LRRC4C: variants seen among roughly 807,000 people sequenced by gnomAD.
LRRC4C encodes the protein leucine-rich repeat-containing protein 4C.
A neutral mutation model predicts 33.6 loss-of-function variants in LRRC4C; 5 were observed. The ratio of observed to expected loss-of-function variants is 0.15; its 90% CI spans 0.08 to 0.31. The LOEUF (loss-of-function observed/expected upper bound fraction) is 0.31. LRRC4C is among the 10% of genes least tolerant of loss of function. LRRC4C has a pLI of 1.00. For synonymous variants in LRRC4C, 329 were observed against 302.0 expected (o/e 1.09, Z -0.93); for missense variants, 560 against 796.7 (o/e 0.70, Z 3.58).
chr11:41,442,938 CATGT>C (rs1955685983), intron 1 of LRRC4C, among the ~76,000 whole-genome samples: 1 of 151,974 alleles, frequency 6.6e-6, no homozygotes, highest in Admixed American at 6.5e-5. Context: ...GCTTTTGAGG[CATGT>C]ATGATTCTCA....
At chr11:40,781,885 G>C (rs1033283859) in intron 2 of LRRC4C, among the ~76,000 whole-genome samples, 2 of 152,164 alleles carry the variant, frequency 1.3e-5, no homozygotes, top group Non-Finnish European at 2.9e-5. Context: ...AATCAGGAAA[G>C]TGAAATGCCA....
At position 41,406,748 on chromosome 11, in the gene LRRC4C, A is replaced by ACACACACACG. The variant is rs936627444; in HGVS notation, c.-496+52682_-496+52683insCGTGTGTGTG. On this transcript the variant is annotated intron_variant, in intron 1 of 6. Coordinates refer to ENST00000528697, the MANE Select transcript of LRRC4C (RefSeq NM_001258419.2). ...CACACACACACACACACACACACAC[A>ACACACACACG]CACGCACCCTTAATAAAAGAAAGTA... Among the ~76,000 whole-genome samples, 693 of 145,474 alleles carry ACACACACACG rather than the reference A, an allele frequency of 4.8e-3. 9 individuals are homozygous for ACACACACACG. The highest frequency in any genetic ancestry group is 0.017 in the African/African-American group (652 of 38,124).
chr11:41,452,591 C>G (rs776013403), intron 1 of LRRC4C, among the ~76,000 whole-genome samples: 1 of 152,016 alleles, frequency 6.6e-6, no homozygotes, highest in Non-Finnish European at 1.5e-5. Context: ...AGTTTAATGG[C>G]TCACATTTTA....
rs560729067 is a variant in LRRC4C at position 41,159,940 on chromosome 11, G to A, written c.-495-226217C>T. On this transcript the variant is annotated intron_variant, in intron 1 of 6. Coordinates refer to ENST00000528697, the MANE Select transcript of LRRC4C (RefSeq NM_001258419.2). The stretch of plus-strand genomic sequence containing the variant: ...AAAAAGAATGATGTGCTTTGATGGG[G>A]GATAAATTCTAGTCAGGCATTAACA... 6.6e-5 allele frequency among the ~76,000 whole-genome samples: 10 copies of A among 151,870 alleles called. No individual in the cohort carries two copies. In the South Asian group the frequency reaches 2.1e-3, roughly 32 times the overall value.
rs570642674 is a variant in LRRC4C, at chr11:41,252,796, A to G, written c.-496+206635T>C. Among the ~76,000 whole-genome samples, 107 of 152,286 alleles carry G rather than the reference A, an allele frequency of 7.0e-4. 1 individual carries two copies. The highest frequency in any genetic ancestry group is 2.5e-3 in the African/African-American group (105 of 41,576). On this transcript the variant is annotated intron_variant, in intron 1 of 6. Transcript: ENST00000528697. ...GAAGGTGAACGAGGAGCAAAGTCAC[A>G]TCTTACATGGCAGCAGGCAAGAGAG... is the stretch of plus-strand genomic sequence containing the variant.
At chr11:40,501,102 T>C (rs1156833025) in intron 3 of LRRC4C, among the ~76,000 whole-genome samples, 2 of 150,276 alleles carry the variant, frequency 1.3e-5, no homozygotes, top group African/African-American at 4.9e-5. Context: ...TGATCTCCTT[T>C]GATTTCATGT....
rs541939307 is a variant in LRRC4C at position 41,192,670 on chromosome 11, G to A, written c.-495-258947C>T. 5.9e-5 allele frequency among the ~76,000 whole-genome samples: 9 copies of A among 152,080 alleles called. No homozygotes were observed. The South Asian group carries it at 8.3e-4, about 14-fold the overall frequency. On this transcript the variant is annotated intron_variant, in intron 1 of 6. Coordinates refer to ENST00000528697, the MANE Select transcript of LRRC4C (RefSeq NM_001258419.2). ...CTTGTCTTAAAAATGCAGCTTTTAC[G>A]TGAATGCAGAATTGCTATGAAAAAG...
chr11:40,914,974 A>G (rs555272044), intron 2 of LRRC4C, among the ~76,000 whole-genome samples: 1 of 152,310 alleles, frequency 6.6e-6, no homozygotes, highest in African/African-American at 2.4e-5. Context: ...AATACCTAGG[A>G]ATCCAACTTA....
chr11:40,999,727 G>A (rs569213970), intron 1 of LRRC4C, among the ~76,000 whole-genome samples: 1 of 152,152 alleles, frequency 6.6e-6, no homozygotes, highest in African/African-American at 2.4e-5. Context: ...AAAACACATG[G>A]CAACAAGCAA....
At chr11:40,230,379 G>T (rs1178701178) in intron 5 of LRRC4C, among the ~76,000 whole-genome samples, 1 of 152,124 alleles carries the variant, frequency 6.6e-6, no homozygotes, top group Non-Finnish European at 1.5e-5. Context: ...CACTAATTTG[G>T]GGTATAAGGG....
At chr11:40,261,769 G>A (rs1350793059) in intron 4 of LRRC4C, among the ~76,000 whole-genome samples, 3 of 151,936 alleles carry the variant, frequency 2.0e-5, no homozygotes, top group African/African-American at 7.2e-5. Context: ...ATGGTGTTGG[G>A]AGAACTGGCT....
At chr11:40,877,977 T>C (rs561637604) in intron 2 of LRRC4C, among the ~76,000 whole-genome samples, 14 of 152,292 alleles carry the variant, frequency 9.2e-5, no homozygotes, top group African/African-American at 2.9e-4. Context: ...ATGTAGCTTT[T>C]TGTTGGTAGT....
At chr11:40,440,942 T>G (rs1409104916) in intron 3 of LRRC4C, among the ~76,000 whole-genome samples, 1 of 152,168 alleles carries the variant, frequency 6.6e-6, no homozygotes, top group Non-Finnish European at 1.5e-5. Context: ...AAGGCTATTT[T>G]TTTGACTTCA....
At chr11:41,275,744 A>T (rs1364232944) in intron 1 of LRRC4C, among the ~76,000 whole-genome samples, 1 of 152,226 alleles carries the variant, frequency 6.6e-6, no homozygotes, top group Non-Finnish European at 1.5e-5. Context: ...TAGTCAAATT[A>T]GTCATTATAC....
intron 6 of LRRC4C, among the ~76,000 whole-genome samples, chr11:40,125,068 T>C (rs991775721): frequency 4.6e-5 from 7 of 152,148 alleles, no homozygotes; most frequent in Non-Finnish European, 5.9e-5. Flanking sequence ...GCAGGTTGTC[T>C]TGCAGATTAT....
At chr11:40,433,109 T>C (rs989560917) in intron 3 of LRRC4C, among the ~76,000 whole-genome samples, 3 of 152,068 alleles carry the variant, frequency 2.0e-5, no homozygotes, top group Non-Finnish European at 4.4e-5. Context: ...CACTTACACA[T>C]AGGATTATGT....
At chr11:40,198,171 G>A (rs118162703) in intron 5 of LRRC4C, among the ~76,000 whole-genome samples, 3 of 152,172 alleles carry the variant, frequency 2.0e-5, no homozygotes, top group East Asian at 1.9e-4. Context: ...CGAAAGGGAC[G>A]GACAAGTGTT....
intron 2 of LRRC4C, among the ~76,000 whole-genome samples, chr11:40,654,233 C>A (rs1297933102): frequency 1.3e-5 from 2 of 152,164 alleles, no homozygotes; most frequent in Non-Finnish European, 2.9e-5. Flanking sequence ...AAGAGGGCCA[C>A]CATCCTCCAG....
intron 2 of LRRC4C, among the ~76,000 whole-genome samples, chr11:40,777,289 C>A (rs1950038995): frequency 6.6e-6 from 1 of 152,070 alleles, no homozygotes; most frequent in Non-Finnish European, 1.5e-5. Context: ...TAGTTTTCTA[C>A]CTTGATTATT....
Sources: gnomAD v4.1 joint callset for allele counts (sites outside exome capture counted in the v4.1 genomes callset) on GRCh38, gnomAD v4.1.1 for gene constraint, MANE v1.5 for transcripts, NCBI Gene and HGNC (gene_info 2026-07-23, HGNC 2026-07-21) for gene names.